The following PDE4D variants were observed in gnomAD, a reference collection of about 807,000 sequenced individuals.
The protein encoded by PDE4D is 3',5'-cyclic-AMP phosphodiesterase 4D.
A neutral mutation model predicts 87.4 loss-of-function variants in PDE4D; 24 were observed. The ratio of observed to expected loss-of-function variants is 0.27; its 90% CI spans 0.20 to 0.39. PDE4D has a LOEUF of 0.39. Ranked by LOEUF, PDE4D falls within the 10% of genes least tolerant of loss-of-function variation. The pLI, the probability that PDE4D is intolerant of heterozygous loss-of-function variation, is 1.00. For synonymous variants in PDE4D, 384 were observed against 383.2 expected (o/e 1.00, Z -0.02); for missense variants, 714 against 1,041.0 (o/e 0.69, Z 4.32).
At chr5:59,463,782 C>T (rs1481699511) in intron 1 of PDE4D, among the ~76,000 whole-genome samples, 7 of 152,042 alleles carry the variant, frequency 4.6e-5, no homozygotes, top group Non-Finnish European at 7.4e-5. Context: ...TAAAAGATCT[C>T]GGGTGTGGGG....
intron 1 of PDE4D, among the ~76,000 whole-genome samples, chr5:60,259,487 C>T (rs1461466982): frequency 6.6e-6 from 1 of 152,044 alleles, no homozygotes; most frequent in Non-Finnish European, 1.5e-5. Flanking sequence ...CAAAGCTGTA[C>T]TCTGCCCTTT....
At chr5:59,805,110 C>T (rs956106776) in intron 1 of PDE4D, among the ~76,000 whole-genome samples, 7 of 152,150 alleles carry the variant, frequency 4.6e-5, no homozygotes, top group African/African-American at 1.7e-4. Flanking sequence ...GTTTCTTAAT[C>T]TACAATACAT....
At chr5:59,628,720 A>G (rs1350159672) in intron 1 of PDE4D, among the ~76,000 whole-genome samples, 2 of 152,182 alleles carry the variant, frequency 1.3e-5, no homozygotes, top group Non-Finnish European at 2.9e-5. Flanking sequence ...AAATGATTCT[A>G]TGATTTACTT....
chr5:59,076,982 G>T (rs1765781287), intron 5 of PDE4D, among the ~76,000 whole-genome samples: 1 of 152,124 alleles, frequency 6.6e-6, no homozygotes. Flanking sequence ...GATATAACTT[G>T]TTATCTACTA....
At chr5:59,652,086 T>C (rs1434361273) in intron 1 of PDE4D, among the ~76,000 whole-genome samples, 5 of 152,216 alleles carry the variant, frequency 3.3e-5, no homozygotes, top group South Asian at 4.1e-4. Flanking sequence ...CAAGACTGCA[T>C]TGCAGACCAA....
intron 1 of PDE4D, among the ~76,000 whole-genome samples, chr5:59,791,858 T>C (rs1028810413): frequency 6.6e-6 from 1 of 152,126 alleles, no homozygotes; most frequent in African/African-American, 2.4e-5. Context: ...TCTCACTTTC[T>C]CTCCTCATAA....
At chr5:59,822,651 C>T (rs2152689934) in intron 1 of PDE4D, among the ~76,000 whole-genome samples, 1 of 152,268 alleles carries the variant, frequency 6.6e-6, no homozygotes, top group East Asian at 1.9e-4. Context: ...GAAGACTCTT[C>T]TCCCAAGTAA....
chr5:60,077,000 G>A (rs529331932), intron 2 of PDE4D, among the ~76,000 whole-genome samples: 90 of 152,318 alleles, frequency 5.9e-4, no homozygotes, highest in African/African-American at 1.9e-3. Context: ...TTAGCATGGG[G>A]TTGAAGTGCT....
chr5:59,409,494 T>C (rs748245488), intron 1 of PDE4D, among the ~76,000 whole-genome samples: 6 of 152,138 alleles, frequency 3.9e-5, no homozygotes, highest in Non-Finnish European at 7.4e-5. Context: ...GTCTGGGTCA[T>C]GTGGGCAGAT....
At chr5:59,884,131 C>T (rs983724102) in intron 1 of PDE4D, among the ~76,000 whole-genome samples, 11 of 151,912 alleles carry the variant, frequency 7.2e-5, no homozygotes, top group Non-Finnish European at 1.5e-4. Flanking sequence ...CTTCACACAC[C>T]TGTAACAGTT....
At chr5:59,561,176 T>C (rs1308812211) in intron 1 of PDE4D, among the ~76,000 whole-genome samples, 1 of 152,180 alleles carries the variant, frequency 6.6e-6, no homozygotes, top group African/African-American at 2.4e-5. Flanking sequence ...CTTTCTTCTG[T>C]CATGGTGAAG....
chr5:58,991,750 A>G (rs1747975070), intron 8 of PDE4D, 82 bp downstream of exon 8: 1 of 890,242 alleles, frequency 1.1e-6, no homozygotes, highest in Non-Finnish European at 1.5e-6. Context: ...AAACTTTTCT[A>G]TCCATTTAAA....
At chr5:59,512,657 T>C (rs1027297389) in intron 1 of PDE4D, among the ~76,000 whole-genome samples, 4 of 152,148 alleles carry the variant, frequency 2.6e-5, no homozygotes, top group Non-Finnish European at 5.9e-5. Flanking sequence ...GGGTTTAATA[T>C]TGGATTTCCT....
chr5:60,080,827 G>T (rs1026906801), intron 2 of PDE4D, among the ~76,000 whole-genome samples: 6 of 152,144 alleles, frequency 3.9e-5, no homozygotes, highest in Non-Finnish European at 7.4e-5. Context: ...CAGGGATATT[G>T]GCCTGAAGTT....
intron 2 of PDE4D, among the ~76,000 whole-genome samples, chr5:60,163,185 G>A (rs1013639900): frequency 7.2e-5 from 11 of 152,062 alleles, no homozygotes; most frequent in African/African-American, 2.7e-4. Flanking sequence ...CATAAACTGC[G>A]TTGGTCAGTC....
At chr5:59,429,937 T>C (rs10514864) in intron 1 of PDE4D, among the ~76,000 whole-genome samples, 12,627 of 152,218 alleles carry the variant, frequency 0.083, 1,527 homozygotes, top group African/African-American at 0.25. Flanking sequence ...ATGTAGATTA[T>C]GAGTTACTGG....
chr5:59,714,264 C>T (rs775311681), intron 1 of PDE4D, among the ~76,000 whole-genome samples: 1 of 152,206 alleles, frequency 6.6e-6, no homozygotes, highest in Non-Finnish European at 1.5e-5. Context: ...ATAACTGTCT[C>T]AAGAGCAGCA....
intron 3 of PDE4D, among the ~76,000 whole-genome samples, chr5:59,933,038 G>T (rs891350707): frequency 2.6e-5 from 4 of 152,112 alleles, no homozygotes; most frequent in African/African-American, 9.7e-5. Context: ...TTTTGAGGTG[G>T]CTATCTGGTC....
At chr5:59,355,329 C>A in intron 1 of PDE4D, among the ~76,000 whole-genome samples, 1 of 152,112 alleles carries the variant, frequency 6.6e-6, no homozygotes, top group Non-Finnish European at 1.5e-5. Context: ...CGTGAGATTT[C>A]TCAAATTCAT....
Sources: gnomAD v4.1 joint callset for allele counts (sites outside exome capture counted in the v4.1 genomes callset) on GRCh38, gnomAD v4.1.1 for gene constraint, MANE v1.5 for transcripts, NCBI Gene and HGNC (gene_info 2026-07-23, HGNC 2026-07-21) for gene names.